The following SPAG16 variants were observed in gnomAD, a reference collection of about 807,000 sequenced individuals.
The protein encoded by SPAG16 is sperm associated antigen 16.
In SPAG16, 86 loss-of-function variants were observed where a neutral mutation model predicts 80.4. That is an observed-to-expected ratio of 1.07 (90% CI 0.90 to 1.28). The LOEUF (loss-of-function observed/expected upper bound fraction) is 1.28, where lower values mean the gene tolerates loss of function less well. SPAG16 is among the 50% of genes most tolerant of loss of function. The pLI is 0.00. For missense variants in SPAG16, 870 were observed against 765.3 expected (o/e 1.14, Z -1.61); for synonymous variants, 294 against 265.9 (o/e 1.11, Z -1.03).
At chr2:213,575,986 T>C (rs975606529) in intron 10 of SPAG16, among the ~76,000 whole-genome samples, 4 of 152,092 alleles carry the variant, frequency 2.6e-5, no homozygotes, top group African/African-American at 9.7e-5. Flanking sequence ...TGCTCAAAGT[T>C]AAAAAAAGCA....
At chr2:213,950,461 G>T (rs2079695028) in intron 12 of SPAG16, among the ~76,000 whole-genome samples, 1 of 151,402 alleles carries the variant, frequency 6.6e-6, no homozygotes, top group Non-Finnish European at 1.5e-5. Context: ...TGTTTCAGTT[G>T]AAATAAGAAC....
intron 15 of SPAG16, among the ~76,000 whole-genome samples, chr2:214,304,813 T>A (rs1694802077): frequency 6.6e-6 from 1 of 152,184 alleles, no homozygotes; most frequent in Admixed American, 6.5e-5. Context: ...GTCTTTGCTG[T>A]GTGAGTAGTA....
intron 9 of SPAG16, among the ~76,000 whole-genome samples, chr2:213,394,632 C>G (rs974155682): frequency 1.1e-4 from 16 of 152,180 alleles, no homozygotes; most frequent in South Asian, 1.0e-3. Context: ...AACCACTAAT[C>G]TTTTCTTCAT....
At chr2:214,248,844 CAG>C (rs1690044337) in intron 15 of SPAG16, among the ~76,000 whole-genome samples, 1 of 152,090 alleles carries the variant, frequency 6.6e-6, no homozygotes, top group Non-Finnish European at 1.5e-5. Context: ...GAAGGACTCT[CAG>C]ATATAGTTAA....
chr2:213,584,348 T>G (rs1559280361), intron 10 of SPAG16, among the ~76,000 whole-genome samples: 1 of 152,030 alleles, frequency 6.6e-6, no homozygotes, highest in Non-Finnish European at 1.5e-5. Flanking sequence ...ACAACTGCAG[T>G]GGAAATATAT....
At chr2:214,076,064 G>A (rs889979196) in intron 13 of SPAG16, among the ~76,000 whole-genome samples, 6 of 151,946 alleles carry the variant, frequency 3.9e-5, no homozygotes, top group Admixed American at 1.3e-4. Context: ...ATGTATATTT[G>A]ACATAGTAGA....
In SPAG16 at chr2:213,422,143, G is replaced by A. The variant is rs1559116783; in HGVS notation, c.942+47024G>A. 1.1e-5 allele frequency: 8 copies of A among 696,776 alleles called. No individual in the cohort carries two copies. The South Asian group carries it at 1.2e-4, about 10-fold the overall frequency. 43.2% of individuals were successfully genotyped at this position (696,776 alleles called of 1,614,324 possible). A position where few individuals can be genotyped will look rare whatever the true frequency, so the allele number is the denominator to read the frequency against. ...CCCTGCTTGCCACTTTGCAGGTGAT[G>A]AGAAGGAGAGAAGAGCTGTGGCCCT... On this transcript the variant is annotated intron_variant, in intron 9 of 15. Transcript: ENST00000331683.
chr2:213,987,123 G>A lies in SPAG16; in HGVS notation c.1401-26828G>A, dbSNP rs183320474. Among the ~76,000 whole-genome samples the A allele has an allele frequency of 1.2e-4, 19 of 152,054 alleles. No homozygotes were observed. In the East Asian group the frequency reaches 3.7e-3, roughly 29 times the overall value. On this transcript the variant is annotated intron_variant, in intron 12 of 15. Transcript: ENST00000331683. ...GGGGGAAGTCTTCTTAATTTGTCTT[G>A]CATTATATTTATTCACATACTCATC...
At chr2:214,049,075 A>G (rs1187815540) in intron 13 of SPAG16, among the ~76,000 whole-genome samples, 1 of 152,150 alleles carries the variant, frequency 6.6e-6, no homozygotes, top group African/African-American at 2.4e-5. Flanking sequence ...AGCTAGGACT[A>G]CAGGCATGCA....
At chr2:213,540,409 T>G (rs2076405691) in intron 10 of SPAG16, among the ~76,000 whole-genome samples, 1 of 152,166 alleles carries the variant, frequency 6.6e-6, no homozygotes, top group East Asian at 1.9e-4. Context: ...TGAAGTTCCC[T>G]AAACTTGGAA....
In SPAG16 at chr2:213,697,075, C is replaced by T. The variant is rs932661658; in HGVS notation, c.1071-165410C>T. Among the ~76,000 whole-genome samples the T allele has an allele frequency of 2.0e-5, 3 of 152,182 alleles. 1 individual carries two copies. The Middle Eastern group carries it at 0.01, about 518-fold the overall frequency. On this transcript the variant is annotated intron_variant, in intron 10 of 15. Coordinates refer to ENST00000331683, the MANE Select transcript of SPAG16 (RefSeq NM_024532.5). Reference sequence around the variant, plus strand: ...CACAAATTGAGGGATAGAACTTTGACGTGAGCAGGGACACTTCATTTATTG... The same window carrying T: ...CACAAATTGAGGGATAGAACTTTGATGTGAGCAGGGACACTTCATTTATTG...
intron 10 of SPAG16, among the ~76,000 whole-genome samples, chr2:213,617,798 G>T (rs1397180107): frequency 6.6e-6 from 1 of 152,074 alleles, no homozygotes; most frequent in Non-Finnish European, 1.5e-5. Flanking sequence ...GGATGACAGT[G>T]CAAGATACTA....
rs578159560 is a variant in SPAG16, at chr2:214,396,252, TG to T, written c.1721-13887del. Among the ~76,000 whole-genome samples, 15 of 152,274 alleles carry T rather than the reference TG, an allele frequency of 9.9e-5. No homozygotes were observed. In the South Asian group the frequency reaches 2.9e-3, roughly 29 times the overall value. On this transcript the variant is annotated intron_variant, in intron 15 of 15. Coordinates refer to ENST00000331683, the MANE Select transcript of SPAG16 (RefSeq NM_024532.5). ...TGTACCAGGCTGTGGCTTGGCTTTT[TG>T]TTGTTTATTTTAATAAAGTCCTCCA...
At chr2:214,072,127 A>G (rs558298613) in intron 13 of SPAG16, among the ~76,000 whole-genome samples, 2 of 152,192 alleles carry the variant, frequency 1.3e-5, no homozygotes, top group East Asian at 3.9e-4. Flanking sequence ...GACCCTTAAC[A>G]TTTCCAGTTT....
At position 213,832,737 on chromosome 2, in the gene SPAG16, C is replaced by G. The variant is rs551590792; in HGVS notation, c.1071-29748C>G. Among the ~76,000 whole-genome samples, 15 of 152,246 alleles carry G rather than the reference C, an allele frequency of 9.9e-5. No homozygotes were observed. The East Asian group carries it at 2.7e-3, about 27-fold the overall frequency. ...TCCAATCACATTTTTACACAACTGT[C>G]CATTCTTCATCAACCTAAGCTTAAA... On this transcript the variant is annotated intron_variant, in intron 10 of 15. Transcript: ENST00000331683.
chr2:213,783,468 A>G (rs2070147435), intron 10 of SPAG16, among the ~76,000 whole-genome samples: 1 of 141,712 alleles, frequency 7.1e-6, no homozygotes, highest in Admixed American at 7.3e-5. Flanking sequence ...ATTGTTTTAC[A>G]CAATTATTTT....
chr2:213,317,450 A>C, intron 5 of SPAG16, 94 bp downstream of exon 5: 1 of 1,371,946 alleles, frequency 7.3e-7, no homozygotes. Context: ...CCAGAGCCTT[A>C]ATTTTTGAAA....
intron 7 of SPAG16, among the ~76,000 whole-genome samples, chr2:213,353,445 A>G (rs578014464): frequency 6.6e-6 from 1 of 152,346 alleles, no homozygotes; most frequent in South Asian, 2.1e-4. Context: ...CATTTTCAAC[A>G]TGACCTGGAG....
At chr2:214,358,590 A>C (rs1214020463) in intron 15 of SPAG16, among the ~76,000 whole-genome samples, 1 of 151,410 alleles carries the variant, frequency 6.6e-6, no homozygotes, top group African/African-American at 2.4e-5. Flanking sequence ...AGACCTAATC[A>C]CTCTTCTTTC....
Sources: gnomAD v4.1 joint callset for allele counts (sites outside exome capture counted in the v4.1 genomes callset) on GRCh38, gnomAD v4.1.1 for gene constraint, MANE v1.5 for transcripts, NCBI Gene and HGNC (gene_info 2026-07-23, HGNC 2026-07-21) for gene names.